The following BRCA2 variants were observed in gnomAD, a reference collection of about 807,000 sequenced individuals.
BRCA2 encodes breast cancer type 2 susceptibility protein.
BRCA2 carries 203 observed loss-of-function variants against 276.7 expected under a neutral mutation model. The ratio of observed to expected loss-of-function variants is 0.73; its 90% CI spans 0.65 to 0.82. BRCA2 has a LOEUF of 0.82. Ranked by LOEUF, BRCA2 falls within the 40% of genes least tolerant of loss-of-function variation. The probability of loss-of-function intolerance (pLI) is 0.00; values close to 1 mark genes in which losing one functional copy is unlikely to be tolerated. For synonymous variants in BRCA2, 1,289 were observed against 1,338.4 expected, an observed-to-expected ratio of 0.96 and a Z score of 0.81; for missense variants, 3,920 against 3,915.0, an observed-to-expected ratio of 1.00 and a Z score of -0.03.
chr13:32,387,609 T>C (rs911180596), intron 24 of BRCA2, among the ~76,000 whole-genome samples: 3 of 152,306 alleles, frequency 2.0e-5, no homozygotes, highest in Non-Finnish European at 2.9e-5. Flanking sequence ...CTGCCCGCAG[T>C]CATCCGGAGG....
chr13:32,366,235 C>T (rs1469057291), intron 18 of BRCA2, among the ~76,000 whole-genome samples: 1 of 152,108 alleles, frequency 6.6e-6, no homozygotes, highest in Non-Finnish European at 1.5e-5. Flanking sequence ...CCAAGAACAA[C>T]AATAGCAACA....
chr13:32,344,563 C>A lies in BRCA2; in HGVS notation c.6847C>A (p.Pro2283Thr), dbSNP rs80358909. The A allele has an allele frequency of 1.3e-6, 2 of 1,519,106 alleles. No homozygotes were observed. Among genetic ancestry groups the A allele is most frequent in the Non-Finnish European group, 1.8e-6 (2 of 1,097,326 alleles). The allele number at this position is 1,519,106 out of a possible 1,614,324, so 94.1% of individuals were successfully genotyped here. A position where few individuals can be genotyped will look rare whatever the true frequency, so the allele number is the denominator to read the frequency against. Residue 2283 changes from proline to threonine, a missense_variant, in exon 12 of 27, where the codon CCC (proline) becomes ACC (threonine). Physicochemically the swap from Pro to Thr is conservative, Grantham distance 38. Transcript: ENST00000380152. ...TATGAAATATTTCTTTTTAGGAGAA[C>A]CCTCAATCAAAAGAAACTTATTAAA... ...RGEPLILVGE[P>T]SIKRNLLNEF...
In BRCA2 at chr13:32,355,298, G is replaced by A. The variant is rs81002793; in HGVS notation, c.7435+10G>A. ...GAAGAAGAACCTTTAGGTATTGTAT[G>A]ACAATTTGTGTGATGAATTTTTGCC... On this transcript the variant is annotated intron_variant, in intron 14 of 26. Coordinates refer to ENST00000380152, the MANE Select transcript of BRCA2 (RefSeq NM_000059.4). The A allele has an allele frequency of 2.5e-6, 4 of 1,613,266 alleles. No individual in the cohort carries two copies. Among genetic ancestry groups the A allele is most frequent in the South Asian group, 1.1e-5 (1 of 90,774 alleles).
chr13:32,348,992 T>G (rs2072629398), intron 13 of BRCA2, among the ~76,000 whole-genome samples: 1 of 151,872 alleles, frequency 6.6e-6, no homozygotes, highest in Non-Finnish European at 1.5e-5. Context: ...GAGGCTGAGG[T>G]GGGTAGATCA....
intron 18 of BRCA2, 83 bp downstream of exon 18, chr13:32,363,616 T>C (rs1046446277): frequency 8.3e-7 from 1 of 1,210,194 alleles, no homozygotes; most frequent in East Asian, 2.5e-5. Context: ...TTTAAATGCT[T>C]ACTAAGGATG....
chr13:32,326,371 G>A (rs2137451252), intron 6 of BRCA2, 89 bp downstream of exon 6: 1 of 1,499,750 alleles, frequency 6.7e-7, no homozygotes, highest in Middle Eastern at 1.8e-4. Context: ...TTACAAATCT[G>A]TACCTAGCAT....
chr13:32,334,016 A>G (rs1382674029), intron 10 of BRCA2, among the ~76,000 whole-genome samples: 1 of 152,180 alleles, frequency 6.6e-6, no homozygotes, highest in East Asian at 1.9e-4. Flanking sequence ...TATCCAGTCT[A>G]TCATTGATGG....
rs276174884 is a variant in BRCA2 at position 32,344,534 on chromosome 13, CAT to C, written c.6842-19_6842-18del. 15 of 1,420,446 alleles carry C rather than the reference CAT, an allele frequency of 1.1e-5. No homozygotes were observed. Among genetic ancestry groups the C allele is most frequent in the African/African-American group, 1.4e-5 (1 of 70,242 alleles). 88.0% of individuals were successfully genotyped at this position (1,420,446 alleles called of 1,614,324 possible). On this transcript the variant is annotated intron_variant, in intron 11 of 26. Coordinates refer to ENST00000380152, the MANE Select transcript of BRCA2 (RefSeq NM_000059.4). The stretch of plus-strand genomic sequence containing the variant: ...AAACTGATATTATTTGCCTTAAAAA[CAT>C]ATATGAAATATTTCTTTTTAGGAGA...
chr13:32,358,285 G>A (rs1419124414), intron 16 of BRCA2, among the ~76,000 whole-genome samples: 3 of 151,728 alleles, frequency 2.0e-5, no homozygotes, highest in Admixed American at 2.0e-4. Context: ...AGACCAGCCT[G>A]GCCAACGTGG....
At chr13:32,372,613 C>G (rs1233935159) in intron 20 of BRCA2, among the ~76,000 whole-genome samples, 1 of 152,150 alleles carries the variant, frequency 6.6e-6, no homozygotes, top group Non-Finnish European at 1.5e-5. Flanking sequence ...CACCAGGTCT[C>G]TCCCTCAACA....
At chr13:32,365,876 A>G (rs1469903304) in intron 18 of BRCA2, among the ~76,000 whole-genome samples, 1 of 149,594 alleles carries the variant, frequency 6.7e-6, no homozygotes, top group Non-Finnish European at 1.5e-5. Flanking sequence ...TTTTTTCTCT[A>G]GTTTTTTCTG....
chr13:32,345,845 T>C (rs2072607629), intron 12 of BRCA2, among the ~76,000 whole-genome samples: 3 of 152,060 alleles, frequency 2.0e-5, no homozygotes, highest in African/African-American at 7.2e-5. Context: ...TGGAATTTTC[T>C]ACTGGCCTCA....
In BRCA2 at chr13:32,340,255, A is replaced by G. The variant is rs959089047; in HGVS notation, c.5900A>G (p.Lys1967Arg). 1.2e-6 allele frequency: 2 copies of G among 1,614,046 alleles called. No homozygotes were observed. Among genetic ancestry groups the G allele is most frequent in the Non-Finnish European group, 1.7e-6 (2 of 1,179,930 alleles). Residue 1967 changes from lysine to arginine, a missense_variant, in exon 11 of 27, where the codon AAG becomes AGG. By Grantham distance (26) the Lys-to-Arg change is conservative. Coordinates refer to ENST00000380152, the MANE Select transcript of BRCA2 (RefSeq NM_000059.4). ...AAATGTAGTATAGGGAAGCTTCATA[A>G]GTCAGTCTCATCTGCAAATACTTGT... ...ICKCSIGKLHKSVSSANTCGI... is the reference protein window; with the variant it reads ...ICKCSIGKLHRSVSSANTCGI...
intron 11 of BRCA2, among the ~76,000 whole-genome samples, chr13:32,342,624 T>C (rs550085373): frequency 2.0e-4 from 30 of 152,376 alleles, no homozygotes; most frequent in Non-Finnish European, 4.0e-4. Flanking sequence ...CTGTATGGTA[T>C]AGCTTATTGC....
At chr13:32,319,355 G>C in intron 3 of BRCA2, 30 bp downstream of exon 3, 1 of 1,587,524 alleles carries the variant, frequency 6.3e-7, no homozygotes, top group African/African-American at 1.3e-5. Context: ...AGACTGGGGA[G>C]AACTACAAAC....
At position 32,332,563 on chromosome 13, in the gene BRCA2, A is replaced by G. The variant is rs561004600; in HGVS notation, c.1085A>G (p.Asp362Gly). 6.2e-7 allele frequency: 1 copy of G among 1,612,860 alleles called. No individual in the cohort carries two copies. The highest frequency in any genetic ancestry group is 8.5e-7 in the Non-Finnish European group (1 of 1,179,532). ...TTTGTATCTGAAGTGGAACCAAATGATACTGATCCATTAGATTCAAATGTA... is the reference window on the plus strand; with the variant it reads ...TTTGTATCTGAAGTGGAACCAAATGGTACTGATCCATTAGATTCAAATGTA... ...YSFVSEVEPN[D>G]TDPLDSNVAN... The change falls in exon 10 of 27, where the codon GAT becomes GGT. Residue 362 changes from aspartate (D) to glycine (G), a missense_variant. Around this residue, in one of 2 missense-constraint regions of BRCA2, gnomAD observed 3,263 missense variants for 3,156.9 expected, o/e 1.03. Coordinates refer to ENST00000380152, the MANE Select transcript of BRCA2 (RefSeq NM_000059.4).
At chr13:32,324,462 C>T (rs1431817092) in intron 3 of BRCA2, among the ~76,000 whole-genome samples, 1 of 151,746 alleles carries the variant, frequency 6.6e-6, no homozygotes, top group Non-Finnish European at 1.5e-5. Flanking sequence ...TCTTATGTAC[C>T]CACAAAAATT....
At chr13:32,387,975 G>A (rs1593197000) in intron 24 of BRCA2, among the ~76,000 whole-genome samples, 3 of 152,058 alleles carry the variant, frequency 2.0e-5, no homozygotes, top group African/African-American at 4.8e-5. Flanking sequence ...CCGGTCTCCC[G>A]CGTCTTGATG....
chr13:32,324,988 G>A (rs2137445538), intron 3 of BRCA2, 88 bp from the exon 4 acceptor site: 6 of 895,976 alleles, frequency 6.7e-6, no homozygotes, highest in African/African-American at 1.7e-5. Context: ...CAGTATAGAG[G>A]AGACTTTTTG....
Sources: gnomAD v4.1 joint callset for allele counts (sites outside exome capture counted in the v4.1 genomes callset) on GRCh38, gnomAD v4.1.1 for gene constraint, gnomAD v4.1.1 regional missense constraint, MANE v1.5 for transcripts, NCBI Gene and HGNC (gene_info 2026-07-23, HGNC 2026-07-21) for gene names.